ABHD18: variants seen among roughly 807,000 people sequenced by gnomAD.
ABHD18 encodes cardiolipin-specific deacylase, mitochondrial.
In ABHD18, 55 loss-of-function variants were observed where a neutral mutation model predicts 65.9. The ratio of observed to expected loss-of-function variants is 0.84; its 90% CI spans 0.67 to 1.05. ABHD18 has a LOEUF of 1.05. Among genes scored for constraint, ABHD18 ranks in the 50% least tolerant of loss-of-function variants. The pLI is 0.00. For missense variants in ABHD18, 533 were observed against 558.5 expected (o/e 0.95, Z 0.46); for synonymous variants, 181 against 180.2 (o/e 1.00, Z -0.04).
chr4:128,030,298 GA>G (rs1758017347), intron 11 of ABHD18, among the ~76,000 whole-genome samples: 1 of 152,008 alleles, frequency 6.6e-6, no homozygotes, highest in Admixed American at 6.6e-5. Context: ...CCACACAAAA[GA>G]AATAAATTAG....
Position 127,979,365 on chromosome 4 carries a change from C to T in ABHD18, c.-17-3574C>T, listed in dbSNP as rs543830715. On this transcript the variant is annotated intron_variant, in intron 1 of 12. Coordinates refer to ENST00000645843, the MANE Select transcript of ABHD18 (RefSeq NM_001358451.3). ...GGTCAGGAAATCGAGACCATCCTTGCTAACATGGTGAAACCCCGTCTCTAC... is the reference window on the plus strand; with the variant it reads ...GGTCAGGAAATCGAGACCATCCTTGTTAACATGGTGAAACCCCGTCTCTAC... Among the ~76,000 whole-genome samples the T allele has an allele frequency of 2.0e-5, 3 of 152,100 alleles. No individual in the cohort carries two copies. The South Asian group carries it at 6.2e-4, about 32-fold the overall frequency.
Position 128,010,924 on chromosome 4 carries a change from C to T in ABHD18, c.443-749C>T, listed in dbSNP as rs190378716. 5.0e-4 allele frequency among the ~76,000 whole-genome samples: 74 copies of T among 148,648 alleles called. No individual in the cohort carries two copies. In the East Asian group the frequency reaches 0.012, roughly 25 times the overall value. ...CGCCTCAAAAAAAAAAAAAAAAAAC[C>T]GTGGATAAAGAGAAATACACCAAAA... On this transcript the variant is annotated intron_variant, in intron 6 of 12. Transcript: ENST00000645843.
At chr4:127,978,052 T>A (rs1395983582) in intron 1 of ABHD18, among the ~76,000 whole-genome samples, 1 of 152,150 alleles carries the variant, frequency 6.6e-6, no homozygotes. Context: ...AGTGGTGTAT[T>A]TTATGTCATG....
chr4:128,007,168 A>C (rs1232580199), intron 4 of ABHD18, among the ~76,000 whole-genome samples: 1 of 151,856 alleles, frequency 6.6e-6, no homozygotes, highest in African/African-American at 2.4e-5. Flanking sequence ...GAAATAAAGA[A>C]ATTAGCCAGG....
At chr4:128,019,013 CAA>C (rs370222831) in intron 8 of ABHD18, among the ~76,000 whole-genome samples, 1,694 of 58,242 alleles carry the variant, frequency 0.029, 31 homozygotes, top group African/African-American at 0.09. Flanking sequence ...GACTACATCT[CAA>C]AAAAAAAAAA....
intron 2 of ABHD18, among the ~76,000 whole-genome samples, chr4:127,983,952 T>A (rs562685572): frequency 7.8e-4 from 119 of 152,246 alleles, no homozygotes; most frequent in Non-Finnish European, 1.4e-3. Flanking sequence ...AGCAGGAGAA[T>A]TGCTTGAACC....
At chr4:127,985,600 C>T (rs116818414) in intron 3 of ABHD18, among the ~76,000 whole-genome samples, 4,432 of 151,936 alleles carry the variant, frequency 0.029, 204 homozygotes, top group African/African-American at 0.1. Flanking sequence ...AAATTTAAAA[C>T]ATACCAAGTT....
chr4:127,995,160 G>A (rs1751539592), intron 4 of ABHD18, among the ~76,000 whole-genome samples: 1 of 152,160 alleles, frequency 6.6e-6, no homozygotes, highest in Non-Finnish European at 1.5e-5. Flanking sequence ...GATTACAGGC[G>A]TGAGCCACTT....
rs994644641 is a variant in ABHD18 at position 128,030,420 on chromosome 4, T to C, written c.1181-90T>C. The C allele has an allele frequency of 7.0e-6, 6 of 856,248 alleles. No homozygotes were observed. In the Admixed American group the frequency reaches 2.3e-4, roughly 32 times the overall value. 53.0% of individuals were successfully genotyped at this position (856,248 alleles called of 1,614,324 possible). On this transcript the variant is annotated intron_variant, in intron 11 of 12. Coordinates refer to ENST00000645843, the MANE Select transcript of ABHD18 (RefSeq NM_001358451.3). ...GATTTTTAATTTAATCAAAAATGTT[T>C]AGTTTGACGAATGTTTTATTTACTG...
intron 3 of ABHD18, among the ~76,000 whole-genome samples, chr4:127,988,139 C>T (rs1230113933): frequency 1.3e-5 from 2 of 152,132 alleles, no homozygotes; most frequent in Admixed American, 6.5e-5. Context: ...ATAATAGTAG[C>T]GTTTTAAGTC....
At chr4:128,009,890 T>C (rs1295538193) in intron 6 of ABHD18, among the ~76,000 whole-genome samples, 1 of 152,216 alleles carries the variant, frequency 6.6e-6, no homozygotes, top group Non-Finnish European at 1.5e-5. Flanking sequence ...AGTAAACATG[T>C]CAGTAAAGCA....
At chr4:128,027,389 C>CT (rs544681286) in intron 10 of ABHD18, among the ~76,000 whole-genome samples, 111 of 151,818 alleles carry the variant, frequency 7.3e-4, no homozygotes, top group African/African-American at 2.5e-3. Context: ...GGCAATATTT[C>CT]TTTTTTTCTT....
chr4:127,998,216 C>T lies in ABHD18; in HGVS notation c.278+8395C>T, dbSNP rs371193274. ...ACTTCTTTATCTCACTTCCTCTTTT[C>T]TCTCTCTCTCTTTCTTTGACATGGT... On this transcript the variant is annotated intron_variant, in intron 4 of 12. Coordinates refer to ENST00000645843, the MANE Select transcript of ABHD18 (RefSeq NM_001358451.3). 6.6e-5 allele frequency among the ~76,000 whole-genome samples: 10 copies of T among 150,530 alleles called. No individual in the cohort carries two copies. The East Asian group carries it at 2.0e-3, about 30-fold the overall frequency.
chr4:128,021,186 A>G lies in ABHD18; in HGVS notation c.749A>G (p.Tyr250Cys). 2 of 1,549,004 alleles carry G rather than the reference A, an allele frequency of 1.3e-6. No individual in the cohort carries two copies. Among genetic ancestry groups the G allele is most frequent in the Non-Finnish European group, 1.7e-6 (2 of 1,145,560 alleles). ...TGGAGGGAGCTGGAAAAGCAATATTATACCCAGACAGTTTATGAAGAAGAA... is the reference window on the plus strand; with the variant it reads ...TGGAGGGAGCTGGAAAAGCAATATTGTACCCAGACAGTTTATGAAGAAGAA... ...INWRELEKQYYTQTVYEEEII... is the reference protein window; with the variant it reads ...INWRELEKQYCTQTVYEEEII... Residue 250 changes from tyrosine (Y) to cysteine (C), a missense_variant, in exon 10 of 13, where the codon TAT (tyrosine) becomes TGT (cysteine). This residue lies in a region of ABHD18 where 309 missense variants were observed against 313.5 expected (regional missense o/e 0.99). Transcript: ENST00000645843.
rs534131452 is a variant in ABHD18 at position 128,026,275 on chromosome 4, C to T, written c.802-2200C>T. On this transcript the variant is annotated intron_variant, in intron 10 of 12. Coordinates refer to ENST00000645843, the MANE Select transcript of ABHD18 (RefSeq NM_001358451.3). ...TGCACTCCAGCCTGGAGGACAAGAG[C>T]GAGACTTCTTCTGAACAACAACAAA... Among the ~76,000 whole-genome samples, 6 of 150,248 alleles carry T rather than the reference C, an allele frequency of 4.0e-5. No homozygotes were observed. In the East Asian group the frequency reaches 9.8e-4, roughly 25 times the overall value.
intron 4 of ABHD18, among the ~76,000 whole-genome samples, chr4:128,000,151 C>G (rs956116197): frequency 4.6e-5 from 7 of 152,308 alleles, no homozygotes; most frequent in African/African-American, 1.7e-4. Flanking sequence ...TCCCAAAACA[C>G]GTGGGAATTC....
At chr4:128,011,588 T>G in intron 6 of ABHD18, 85 bp from the exon 7 acceptor site, 1 of 979,040 alleles carries the variant, frequency 1.0e-6, no homozygotes, top group Admixed American at 2.5e-5. Context: ...TATTAAATTG[T>G]GTAAAATTTA....
intron 1 of ABHD18, among the ~76,000 whole-genome samples, chr4:127,981,420 T>G (rs1016913314): frequency 2.0e-5 from 3 of 152,220 alleles, no homozygotes; most frequent in African/African-American, 7.2e-5. Flanking sequence ...GATAGATTTT[T>G]TAATTTTTAA....
chr4:128,025,420 G>A (rs1015070142), intron 10 of ABHD18, among the ~76,000 whole-genome samples: 1 of 152,150 alleles, frequency 6.6e-6, no homozygotes, highest in Non-Finnish European at 1.5e-5. Flanking sequence ...TTACAGGTAT[G>A]AGCCACTGTG....
Sources: allele counts gnomAD v4.1 joint callset (sites outside exome capture counted in the v4.1 genomes callset), GRCh38; gene constraint gnomAD v4.1.1; regional missense constraint gnomAD v4.1.1; transcripts MANE v1.5; gene names NCBI Gene and HGNC (gene_info 2026-07-23, HGNC 2026-07-21).